Variants in LPGAT1 observed in about 807,000 individuals in gnomAD.
LPGAT1 encodes the protein acyl-CoA:lysophosphatidylglycerol acyltransferase 1.
In LPGAT1, 11 loss-of-function variants were observed where a neutral mutation model predicts 47.5. That is an observed-to-expected ratio of 0.23 (90% CI 0.15 to 0.38). The LOEUF is 0.38. LPGAT1 is among the 10% of genes least tolerant of loss of function. The probability of loss-of-function intolerance (pLI) is 1.00; values close to 1 mark genes in which losing one functional copy is unlikely to be tolerated. For synonymous variants in LPGAT1, 138 were observed against 144.2 expected (o/e 0.96, Z 0.31); for missense variants, 293 against 439.0 (o/e 0.67, Z 2.97).
chr1:211,830,403 A>C lies in LPGAT1; in HGVS notation c.-28+170T>G. The C allele has an allele frequency of 8.5e-7, 1 of 1,170,740 alleles. No homozygotes were observed. The allele number at this position is 1,170,740 out of a possible 1,614,324, so 72.5% of individuals were successfully genotyped here. On this transcript the variant is annotated intron_variant, in intron 1 of 7. Coordinates refer to ENST00000366997, the MANE Select transcript of LPGAT1 (RefSeq NM_014873.3). The surrounding 1 kb of genome is among the most constrained non-coding windows in gnomAD (Gnocchi z 5.9). ...GGGCGGGTCCCGGGGAGGCGGGCGG[A>C]TGCCCCGCGCCCCCGCCTCCTCCCC... is the stretch of plus-strand genomic sequence containing the variant.
intron 2 of LPGAT1, among the ~76,000 whole-genome samples, chr1:211,808,393 C>T (rs1334345225): frequency 1.4e-5 from 2 of 147,122 alleles, no homozygotes; most frequent in Non-Finnish European, 3.0e-5. Context: ...ATTAAGAGAA[C>T]AAACTACCCA....
In LPGAT1 at chr1:211,830,390, G is replaced by A. The variant is rs1660694096; in HGVS notation, c.-28+183C>T. On this transcript the variant is annotated intron_variant, in intron 1 of 7. Coordinates refer to ENST00000366997, the MANE Select transcript of LPGAT1 (RefSeq NM_014873.3). This position sits in a 1 kb window ranked among gnomAD's most constrained non-coding sequence, Gnocchi z 5.9. ...GGACCTGTCACCCGGGCGGGTCCCG[G>A]GGAGGCGGGCGGATGCCCCGCGCCC... is the stretch of plus-strand genomic sequence containing the variant. 8.5e-7 allele frequency: 1 copy of A among 1,171,942 alleles called. No homozygotes were observed. Among genetic ancestry groups the A allele is most frequent in the Non-Finnish European group, 1.1e-6 (1 of 949,650 alleles). The allele number at this position is 1,171,942 out of a possible 1,614,324, so 72.6% of individuals were successfully genotyped here.
intron 2 of LPGAT1, among the ~76,000 whole-genome samples, chr1:211,818,128 C>T (rs1365855520): frequency 6.6e-6 from 1 of 152,172 alleles, no homozygotes; most frequent in Non-Finnish European, 1.5e-5. Flanking sequence ...AACCACCGTA[C>T]CCAGCCAACT....
At chr1:211,765,563 T>C (rs745989150) in intron 6 of LPGAT1, among the ~76,000 whole-genome samples, 4 of 152,190 alleles carry the variant, frequency 2.6e-5, no homozygotes, top group Non-Finnish European at 5.9e-5. Flanking sequence ...GGAATAACAA[T>C]GGCACTTTGC....
intron 2 of LPGAT1, among the ~76,000 whole-genome samples, chr1:211,811,073 T>C (rs1201147163): frequency 6.6e-6 from 1 of 152,190 alleles, no homozygotes; most frequent in Non-Finnish European, 1.5e-5. Flanking sequence ...CTTGCTGATA[T>C]TTGGAAACAC....
intron 2 of LPGAT1, among the ~76,000 whole-genome samples, chr1:211,810,643 G>A (rs1659954913): frequency 6.6e-6 from 1 of 152,070 alleles, no homozygotes; most frequent in Non-Finnish European, 1.5e-5. Flanking sequence ...CTGTCTTCAA[G>A]AAGTTTGCTC....
intron 2 of LPGAT1, among the ~76,000 whole-genome samples, chr1:211,827,121 T>A (rs114709116): frequency 4.9e-4 from 74 of 152,300 alleles, no homozygotes; most frequent in Admixed American, 1.7e-3. Context: ...AAATCAAGTA[T>A]TCTACCTATA....
At chr1:211,801,161 T>G (rs1659558261) in intron 2 of LPGAT1, among the ~76,000 whole-genome samples, 2 of 152,140 alleles carry the variant, frequency 1.3e-5, no homozygotes, top group African/African-American at 2.4e-5. Flanking sequence ...TATCCCCACT[T>G]CCAGCTTGAA....
At chr1:211,757,100 T>C (rs1377161321) in intron 6 of LPGAT1, among the ~76,000 whole-genome samples, 1 of 151,790 alleles carries the variant, frequency 6.6e-6, no homozygotes, top group East Asian at 1.9e-4. Flanking sequence ...CTACTAAAAA[T>C]ACAAAAATTA....
Position 211,745,809 on chromosome 1 carries a change from A to G in LPGAT1, c.*4090T>C, listed in dbSNP as rs1446815113. ...CTTAGATGGTTTTGGTCCCAAACAT[A>G]TTAGTCTCTACCCTTCCTGCTATCC... On this transcript the variant is annotated 3_prime_UTR_variant, in exon 8 of 8. Coordinates refer to ENST00000366997, the MANE Select transcript of LPGAT1 (RefSeq NM_014873.3). The G allele has an allele frequency of 6.6e-6, 1 of 152,658 alleles. No individual in the cohort carries two copies. Among genetic ancestry groups the G allele is most frequent in the South Asian group, 2.1e-4 (1 of 4,834 alleles). 9.5% of individuals were successfully genotyped at this position (152,658 alleles called of 1,614,324 possible).
At chr1:211,768,744 A>G (rs1658043561) in intron 6 of LPGAT1, among the ~76,000 whole-genome samples, 1 of 152,218 alleles carries the variant, frequency 6.6e-6, no homozygotes, top group Admixed American at 6.5e-5. Flanking sequence ...AAGAAATATC[A>G]TTAGAAAATC....
At chr1:211,774,095 C>A (rs774236860) in intron 6 of LPGAT1, among the ~76,000 whole-genome samples, 4 of 116,904 alleles carry the variant, frequency 3.4e-5, no homozygotes, top group South Asian at 2.8e-4. Flanking sequence ...AATAATGGTG[C>A]TTTATATTTA....
intron 4 of LPGAT1, among the ~76,000 whole-genome samples, chr1:211,785,710 G>A (rs1044706435): frequency 2.6e-5 from 4 of 151,248 alleles, no homozygotes; most frequent in Non-Finnish European, 5.9e-5. Context: ...AGGTTCAAGC[G>A]ATTCTCCTGC....
At position 211,783,272 on chromosome 1, in the gene LPGAT1, T is replaced by C; in HGVS notation, c.684A>G (p.Gln228=). 2 of 1,613,672 alleles carry C rather than the reference T, an allele frequency of 1.2e-6. No individual in the cohort carries two copies. Among genetic ancestry groups the C allele is most frequent in the Non-Finnish European group, 1.7e-6 (2 of 1,179,574 alleles). Reference sequence around the variant, plus strand: ...CTCCTGCTGGACTTCCATTTTTCTGTTGTGCTACAAGTGCATTCAAAATAA... The same window carrying C: ...CTCCTGCTGGACTTCCATTTTTCTGCTGTGCTACAAGTGCATTCAAAATAA... ...TKIILNALVA[Q]QKNGSPAGGD... The change falls in exon 5 of 8, where the codon CAA becomes CAG. Residue 228 remains glutamine (Q), a synonymous_variant. Transcript: ENST00000366997.
rs1659192758 is a variant in LPGAT1, at chr1:211,792,938, T to C, written c.357+134A>G. 4 of 560,356 alleles carry C rather than the reference T, an allele frequency of 7.1e-6. No individual in the cohort carries two copies. In the Admixed American group the frequency reaches 8.8e-5, roughly 12 times the overall value. The allele number at this position is 560,356 out of a possible 1,614,324, so 34.7% of individuals were successfully genotyped here. A position where few individuals can be genotyped will look rare whatever the true frequency, so the allele number is the denominator to read the frequency against. On this transcript the variant is annotated intron_variant, in intron 3 of 7. Coordinates refer to ENST00000366997, the MANE Select transcript of LPGAT1 (RefSeq NM_014873.3). ...TGTTGTCCTGGATGGCCTCGATCTC[T>C]TGACCTCATGATCCACCCACCTCAG... is the stretch of plus-strand genomic sequence containing the variant.
chr1:211,763,967 T>A (rs1475201382), intron 6 of LPGAT1, among the ~76,000 whole-genome samples: 1 of 151,894 alleles, frequency 6.6e-6, no homozygotes, highest in African/African-American at 2.4e-5. Flanking sequence ...AGGTCAGGAG[T>A]TTGAGACCAG....
rs190737106 is a variant in LPGAT1, at chr1:211,757,610, C to T, written c.855-6543G>A. On this transcript the variant is annotated intron_variant, in intron 6 of 7. Coordinates refer to ENST00000366997, the MANE Select transcript of LPGAT1 (RefSeq NM_014873.3). The stretch of plus-strand genomic sequence containing the variant: ...GTGTCATGGGTTTAGCATTCCATGA[C>T]TATTTTCATATAGTCAGATAATAAA... Among the ~76,000 whole-genome samples, 3 of 152,174 alleles carry T rather than the reference C, an allele frequency of 2.0e-5. No individual in the cohort carries two copies. In the East Asian group the frequency reaches 5.8e-4, roughly 29 times the overall value.
intron 4 of LPGAT1, among the ~76,000 whole-genome samples, chr1:211,784,727 T>C (rs1321960810): frequency 2.0e-5 from 3 of 151,228 alleles, no homozygotes; most frequent in African/African-American, 7.3e-5. Context: ...GAAGATGACC[T>C]GAAGTCTAAA....
chr1:211,809,897 T>C (rs565560878), intron 2 of LPGAT1, among the ~76,000 whole-genome samples: 1 of 152,184 alleles, frequency 6.6e-6, no homozygotes, highest in African/African-American at 2.4e-5. Flanking sequence ...AAGGAAATTC[T>C]AACATCTCCT....
Sources: gnomAD v4.1 joint callset for allele counts (sites outside exome capture counted in the v4.1 genomes callset) on GRCh38, gnomAD v4.1.1 for gene constraint, Gnocchi (gnomAD v3.1) non-coding constraint, MANE v1.5 for transcripts, NCBI Gene and HGNC (gene_info 2026-07-23, HGNC 2026-07-21) for gene names.